Variants in FARP1 observed in about 807,000 individuals in gnomAD.
The protein encoded by FARP1 is FERM, ARH/RhoGEF and pleckstrin domain protein 1.
Under a neutral mutation model 128.8 loss-of-function variants are expected in FARP1, and 52 were observed. That is an observed-to-expected ratio of 0.40 (90% CI 0.32 to 0.51). FARP1 has a LOEUF of 0.51. Ranked by LOEUF, FARP1 falls within the 20% of genes least tolerant of loss-of-function variation. The probability of loss-of-function intolerance (pLI) is 0.45; values close to 1 mark genes in which losing one functional copy is unlikely to be tolerated. For missense variants in FARP1, 1,333 were observed against 1,367.9 expected (o/e 0.97, Z 0.40); for synonymous variants, 580 against 551.8 (o/e 1.05, Z -0.72).
At chr13:98,274,099 T>C (rs1246850745) in intron 2 of FARP1, among the ~76,000 whole-genome samples, 2 of 152,180 alleles carry the variant, frequency 1.3e-5, no homozygotes, top group East Asian at 3.8e-4. Flanking sequence ...CATACAGAGA[T>C]TGCTTTTTTA....
At chr13:98,203,838 C>T (rs1880104400) in intron 1 of FARP1, 1 of 152,200 alleles carries the variant, frequency 6.6e-6, no homozygotes, top group Non-Finnish European at 1.5e-5. Context: ...TTTTAAGAAA[C>T]TGCCAAAATG....
At chr13:98,222,794 ATTTT>A (rs34198874) in intron 2 of FARP1, among the ~76,000 whole-genome samples, 7 of 124,800 alleles carry the variant, frequency 5.6e-5, no homozygotes, top group Middle Eastern at 4.2e-3. Flanking sequence ...TGCCCAGCTA[ATTTT>A]TTTTTTTTTT....
intron 13 of FARP1, chr13:98,398,708 G>A (rs1473028637): frequency 2.6e-5 from 4 of 152,160 alleles, no homozygotes; most frequent in Admixed American, 6.5e-5. Flanking sequence ...TTCAGACATA[G>A]GAAAAATGTC....
At chr13:98,218,249 C>G (rs1358114044) in intron 2 of FARP1, among the ~76,000 whole-genome samples, 6 of 152,242 alleles carry the variant, frequency 3.9e-5, no homozygotes, top group East Asian at 1.9e-4. Flanking sequence ...CCAGGCCTCT[C>G]CCAGGCTTGT....
chr13:98,166,725 T>C (rs1382918788), intron 1 of FARP1, among the ~76,000 whole-genome samples: 1 of 97,438 alleles, frequency 1.0e-5, no homozygotes, highest in Non-Finnish European at 1.8e-5. Flanking sequence ...TTTTTCTTTC[T>C]TTTTTTTTTT....
chr13:98,186,514 A>C (rs2139219513), intron 1 of FARP1, among the ~76,000 whole-genome samples: 1 of 152,324 alleles, frequency 6.6e-6, no homozygotes, highest in African/African-American at 2.4e-5. Context: ...TGTAAGGAGC[A>C]TCATACAGTA....
At chr13:98,271,610 G>A (rs920042341) in intron 2 of FARP1, among the ~76,000 whole-genome samples, 1 of 151,998 alleles carries the variant, frequency 6.6e-6, no homozygotes, top group Non-Finnish European at 1.5e-5. Flanking sequence ...CCCTCCCTGG[G>A]TCCATGTGTT....
intron 2 of FARP1, among the ~76,000 whole-genome samples, chr13:98,341,213 T>A (rs1887960329): frequency 1.3e-5 from 2 of 152,128 alleles, no homozygotes; most frequent in South Asian, 2.1e-4. Context: ...TTCATGCTGG[T>A]ACAGGCTCAT....
chr13:98,254,674 G>T (rs1240897797), intron 2 of FARP1, among the ~76,000 whole-genome samples: 1 of 152,188 alleles, frequency 6.6e-6, no homozygotes, highest in Admixed American at 6.5e-5. Flanking sequence ...AGCAGAAATA[G>T]CCTAGCCATG....
Position 98,176,598 on chromosome 13 carries a change from G to A in FARP1, c.-24+33106G>A, listed in dbSNP as rs1276265987. The A allele has an allele frequency of 1.2e-6, 2 of 1,614,078 alleles. No individual in the cohort carries two copies. The highest frequency in any genetic ancestry group is 2.7e-5 in the African/African-American group (2 of 74,926). ...GCTTGTAATCGGAACGGTCGTGGAG[G>A]AATTTGCAGCTGTCCCCGAAGCCAC... On this transcript the variant is annotated intron_variant, in intron 1 of 26. Coordinates refer to ENST00000319562, the MANE Select transcript of FARP1 (RefSeq NM_005766.4). This position sits in a 1 kb window ranked among gnomAD's most constrained non-coding sequence, Gnocchi z 6.2.
chr13:98,145,868 A>AC, intron 1 of FARP1, among the ~76,000 whole-genome samples: 1 of 76,318 alleles, frequency 1.3e-5, no homozygotes, highest in East Asian at 3.0e-4. Flanking sequence ...TCTCAAAAAA[A>AC]AAAAAAAAAA....
Position 98,395,346 on chromosome 13 carries a change from T to G in FARP1, c.1284T>G (p.Pro428=). 1 of 1,611,556 alleles carries G rather than the reference T, an allele frequency of 6.2e-7. No individual in the cohort carries two copies. The change falls in exon 13 of 27, where the codon CCT becomes CCG. Residue 428 remains proline, a synonymous_variant. Coordinates refer to ENST00000319562, the MANE Select transcript of FARP1 (RefSeq NM_005766.4). ...SAGEPGSHPS[P]APRRSPAGNK... ...GGGAGCCGGGGTCGCACCCGAGCCC[T>G]GCGCCGAGGAGAAGCCCCGCGGGTA...
At chr13:98,398,517 A>G (rs1450796729) in intron 13 of FARP1, 3 of 152,144 alleles carry the variant, frequency 2.0e-5, no homozygotes, top group African/African-American at 4.8e-5. Flanking sequence ...TCTTGGTGCA[A>G]TAGGAGCTTT....
chr13:98,215,663 A>G (rs116974077), intron 2 of FARP1, among the ~76,000 whole-genome samples: 4,578 of 152,330 alleles, frequency 0.03, 101 homozygotes, highest in Non-Finnish European at 0.043. Flanking sequence ...AGCATCTAGC[A>G]TGGCACCTGG....
At chr13:98,277,662 C>G (rs545044292) in intron 2 of FARP1, among the ~76,000 whole-genome samples, 75 of 152,152 alleles carry the variant, frequency 4.9e-4, no homozygotes, top group African/African-American at 1.8e-3. Context: ...TGGCAGAGCA[C>G]TGTTTAGAGT....
intron 1 of FARP1, among the ~76,000 whole-genome samples, chr13:98,151,660 C>CTT (rs34250002): frequency 0.028 from 1,926 of 69,162 alleles, 213 homozygotes; most frequent in African/African-American, 0.079. Context: ...TATCTTCCAT[C>CTT]TTTTTTTTTT....
chr13:98,176,064 G>A lies in FARP1; in HGVS notation c.-24+32572G>A. The A allele has an allele frequency of 9.5e-7, 1 of 1,055,240 alleles. No individual in the cohort carries two copies. The allele number at this position is 1,055,240 out of a possible 1,614,324, so 65.4% of individuals were successfully genotyped here. A position where few individuals can be genotyped will look rare whatever the true frequency, so the allele number is the denominator to read the frequency against. On this transcript the variant is annotated intron_variant, in intron 1 of 26. Coordinates refer to ENST00000319562, the MANE Select transcript of FARP1 (RefSeq NM_005766.4). The surrounding 1 kb of genome is among the most constrained non-coding windows in gnomAD (Gnocchi z 6.2). ...TGAGATCCGGATTTCAATTCTTTTG[G>A]TTACATACTCAGGCATGGGATTGCA...
At chr13:98,228,383 A>G (rs1413093074) in intron 2 of FARP1, among the ~76,000 whole-genome samples, 1 of 152,160 alleles carries the variant, frequency 6.6e-6, no homozygotes, top group Non-Finnish European at 1.5e-5. Context: ...GAAAAAGGAA[A>G]AATGGCTAAA....
chr13:98,308,293 C>T (rs1327877465), intron 2 of FARP1, among the ~76,000 whole-genome samples: 2 of 152,138 alleles, frequency 1.3e-5, no homozygotes, highest in East Asian at 1.9e-4. Context: ...TTCAGTGAAT[C>T]GATTTCAAGG....
Sources: allele counts gnomAD v4.1 joint callset (sites outside exome capture counted in the v4.1 genomes callset), GRCh38; gene constraint gnomAD v4.1.1; non-coding constraint Gnocchi (gnomAD v3.1); transcripts MANE v1.5; gene names NCBI Gene and HGNC (gene_info 2026-07-23, HGNC 2026-07-21).